The following CACNA1B variants were observed in gnomAD, a reference collection of about 807,000 sequenced individuals.
CACNA1B encodes voltage-dependent N-type calcium channel subunit alpha-1B.
In CACNA1B, 70 loss-of-function variants were observed where a neutral mutation model predicts 247.2. The observed-to-expected ratio is 0.28, with a 90% confidence interval of 0.23 to 0.35. The LOEUF is 0.35. Among genes scored for constraint, CACNA1B ranks in the 10% least tolerant of loss-of-function variants. The pLI, the probability that CACNA1B is intolerant of heterozygous loss-of-function variation, is 1.00. For synonymous variants in CACNA1B, 1,231 were observed against 1,294.4 expected (o/e 0.95, Z 1.05); for missense variants, 2,367 against 3,197.4 (o/e 0.74, Z 6.26).
chr9:138,085,939 C>A (rs1225349982), intron 36 of CACNA1B, among the ~76,000 whole-genome samples: 2 of 151,038 alleles, frequency 1.3e-5, no homozygotes, highest in Non-Finnish European at 2.9e-5. Context: ...TAATTACTAT[C>A]GTGAAAACAC....
chr9:138,013,784 GT>G (rs1171070592), intron 18 of CACNA1B, among the ~76,000 whole-genome samples: 3 of 152,228 alleles, frequency 2.0e-5, no homozygotes, highest in Non-Finnish European at 4.4e-5. Context: ...TGGGCAAAGT[GT>G]CCAGCCCAGG....
rs1440887333 is a variant in CACNA1B at position 137,954,879 on chromosome 9, T to TGTGTGTGTGTGTGTGTGA, written c.1071-818_1071-817insTGTGTGTGTGTGTGTGAG. Among the ~76,000 whole-genome samples the TGTGTGTGTGTGTGTGTGA allele has an allele frequency of 1.4e-3, 209 of 145,268 alleles. No homozygotes were observed. Among genetic ancestry groups the TGTGTGTGTGTGTGTGTGA allele is most frequent in the African/African-American group, 4.9e-3 (190 of 38,718 alleles). On this transcript the variant is annotated intron_variant, in intron 7 of 46. Transcript: ENST00000371372. The surrounding 1 kb of genome is among the most constrained non-coding windows in gnomAD (Gnocchi z 4.1). Reference sequence around the variant, plus strand: ...GCTTGTGTGTGTGTGTGTGTGTGTGTGAGAGAGAGAGAGAGAGAGAGAGGG... The same window carrying TGTGTGTGTGTGTGTGTGA: ...GCTTGTGTGTGTGTGTGTGTGTGTGTGTGTGTGTGTGTGTGTGAGAGAGAGAGAGAGAGAGAGAGAGGG...
In CACNA1B at chr9:137,975,974, G is replaced by A; in HGVS notation, c.1611G>A (p.Gly537=). The A allele has an allele frequency of 6.2e-7, 1 of 1,613,656 alleles. No individual in the cohort carries two copies. Among genetic ancestry groups the A allele is most frequent in the South Asian group, 1.1e-5 (1 of 91,060 alleles). ...TEMSLKMYGL[G]PRSYFRSSFN... The stretch of plus-strand genomic sequence containing the variant: ...TGTCCCTGAAGATGTATGGCCTGGG[G>A]CCCAGAAGCTACTTCCGGTCCTCCT... Residue 537 remains glycine (G), a synonymous_variant, in exon 12 of 47, where the codon GGG becomes GGA. Transcript: ENST00000371372.
intron 18 of CACNA1B, chr9:138,017,019 C>G (rs1564240144): frequency 6.6e-6 from 3 of 451,382 alleles, no homozygotes; most frequent in Non-Finnish European, 1.4e-5. Context: ...CTGCGGCCTC[C>G]TGTCCAGATG....
chr9:138,105,890 C>T, intron 39 of CACNA1B, 83 bp downstream of exon 39: 1 of 785,808 alleles, frequency 1.3e-6, no homozygotes, highest in Non-Finnish European at 2.1e-6. Context: ...GGAGGACACG[C>T]AGGGAGGAGG....
At chr9:137,984,533 C>T (rs1440808133) in intron 13 of CACNA1B, among the ~76,000 whole-genome samples, 2 of 152,234 alleles carry the variant, frequency 1.3e-5, no homozygotes, top group Non-Finnish European at 2.9e-5. Flanking sequence ...AACCACCACC[C>T]CATCTTCCCA....
At chr9:138,044,551 C>T in intron 21 of CACNA1B, among the ~76,000 whole-genome samples, 1 of 152,206 alleles carries the variant, frequency 6.6e-6, no homozygotes, top group East Asian at 1.9e-4. Flanking sequence ...GAGATGCGGA[C>T]CATTGGGTGC....
At chr9:138,004,303 G>A (rs756182374) in intron 15 of CACNA1B, among the ~76,000 whole-genome samples, 10 of 152,072 alleles carry the variant, frequency 6.6e-5, no homozygotes, top group Non-Finnish European at 1.3e-4. Context: ...TCTCAGCACT[G>A]CAGGAGGCTG....
chr9:138,036,352 G>A (rs559862937), intron 20 of CACNA1B, among the ~76,000 whole-genome samples: 6 of 152,306 alleles, frequency 3.9e-5, no homozygotes, highest in African/African-American at 1.4e-4. Flanking sequence ...TGTTAGCCAA[G>A]ATGGTCTCGA....
In CACNA1B at chr9:137,980,136, G is replaced by A. The variant is rs536939178; in HGVS notation, c.1657-4002G>A. On this transcript the variant is annotated intron_variant, in intron 12 of 46. Coordinates refer to ENST00000371372, the MANE Select transcript of CACNA1B (RefSeq NM_000718.4). ...TTTGGGAATCTAAAGACCTATTTTC[G>A]TTTTGTATTGTCTTGATTCTTTCAG... Among the ~76,000 whole-genome samples the A allele has an allele frequency of 1.1e-4, 17 of 152,252 alleles. No individual in the cohort carries two copies. In the South Asian group the frequency reaches 1.2e-3, roughly 11 times the overall value.
In CACNA1B at chr9:138,010,388, G is replaced by A. The variant is rs1384401028; in HGVS notation, c.2160+311G>A. Reference sequence around the variant, plus strand: ...AGGAGCAGCTGGTGGCCCTATCCCAGCACAGCTGTGCCACAGTGGGACAGC... The same window carrying A: ...AGGAGCAGCTGGTGGCCCTATCCCAACACAGCTGTGCCACAGTGGGACAGC... On this transcript the variant is annotated intron_variant, in intron 17 of 46. Transcript: ENST00000371372. This position sits in a 1 kb window ranked among gnomAD's most constrained non-coding sequence, Gnocchi z 5.3. Among the ~76,000 whole-genome samples the A allele has an allele frequency of 2.0e-5, 3 of 152,212 alleles. No homozygotes were observed. The highest frequency in any genetic ancestry group is 6.5e-5 in the Admixed American group (1 of 15,288).
rs1271278771 is a variant in CACNA1B at position 137,919,584 on chromosome 9, A to C, written c.966+2153A>C. On this transcript the variant is annotated intron_variant, in intron 6 of 46. Coordinates refer to ENST00000371372, the MANE Select transcript of CACNA1B (RefSeq NM_000718.4). This position sits in a 1 kb window ranked among gnomAD's most constrained non-coding sequence, Gnocchi z 4.6. Reference sequence around the variant, plus strand: ...GTTTTGAAGAGGATCCTTTGGAGAGAGCGAGAGCCCGCCCCTCACCTCCAA... The same window carrying C: ...GTTTTGAAGAGGATCCTTTGGAGAGCGCGAGAGCCCGCCCCTCACCTCCAA... Among the ~76,000 whole-genome samples the C allele has an allele frequency of 6.6e-6, 1 of 152,222 alleles. No homozygotes were observed. Among genetic ancestry groups the C allele is most frequent in the Non-Finnish European group, 1.5e-5 (1 of 68,038 alleles).
chr9:138,094,413 A>G (rs969552847), intron 36 of CACNA1B, among the ~76,000 whole-genome samples: 3 of 149,078 alleles, frequency 2.0e-5, no homozygotes, highest in Non-Finnish European at 4.5e-5. Context: ...TTAAAATGGA[A>G]ATTTTTTTGT....
intron 6 of CACNA1B, among the ~76,000 whole-genome samples, chr9:137,946,944 A>C (rs922072647): frequency 6.6e-6 from 1 of 152,212 alleles, no homozygotes; most frequent in Non-Finnish European, 1.5e-5. Flanking sequence ...GAATTGGACA[A>C]AATGCACAAA....
At chr9:138,062,400 T>C (rs571659641) in intron 31 of CACNA1B, among the ~76,000 whole-genome samples, 5 of 152,276 alleles carry the variant, frequency 3.3e-5, no homozygotes, top group Admixed American at 3.3e-4. Flanking sequence ...AGGACGTCAT[T>C]GGTCAACAGA....
At chr9:137,884,155 C>T (rs1471770045) in intron 3 of CACNA1B, among the ~76,000 whole-genome samples, 1 of 152,222 alleles carries the variant, frequency 6.6e-6, no homozygotes, top group Middle Eastern at 3.2e-3. Flanking sequence ...GCAGCATGTA[C>T]AGAACTGGGC....
At chr9:137,978,650 C>T (rs1196698474) in intron 12 of CACNA1B, among the ~76,000 whole-genome samples, 1 of 152,220 alleles carries the variant, frequency 6.6e-6, no homozygotes, top group African/African-American at 2.4e-5. Context: ...GAAAATTCAG[C>T]TTAATTGGAC....
At chr9:137,922,794 C>T (rs1957502343) in intron 6 of CACNA1B, among the ~76,000 whole-genome samples, 1 of 152,110 alleles carries the variant, frequency 6.6e-6, no homozygotes, top group African/African-American at 2.4e-5. Flanking sequence ...TGACAACCTG[C>T]AAAACTATAG....
intron 6 of CACNA1B, among the ~76,000 whole-genome samples, chr9:137,926,216 C>T (rs897873902): frequency 2.0e-5 from 3 of 151,766 alleles, no homozygotes; most frequent in South Asian, 2.1e-4. Context: ...ATTACAGGCA[C>T]CTGCCACAGT....
Sources: gnomAD v4.1 joint callset for allele counts (sites outside exome capture counted in the v4.1 genomes callset) on GRCh38, gnomAD v4.1.1 for gene constraint, Gnocchi (gnomAD v3.1) non-coding constraint, MANE v1.5 for transcripts, NCBI Gene and HGNC (gene_info 2026-07-23, HGNC 2026-07-21) for gene names.